The following NRG1 variants were observed in gnomAD, a reference collection of about 807,000 sequenced individuals.
NRG1 encodes neuregulin 1.
Under a neutral mutation model 63.8 loss-of-function variants are expected in NRG1, and 18 were observed. The observed-to-expected ratio is 0.28, with a 90% CI of 0.19 to 0.42. NRG1 has a LOEUF of 0.42. NRG1 is among the 10% of genes least tolerant of loss of function. The probability of loss-of-function intolerance (pLI) is 1.00; values close to 1 mark genes in which losing one functional copy is unlikely to be tolerated. For missense variants in NRG1, 762 were observed against 814.7 expected (o/e 0.94, Z 0.79); for synonymous variants, 302 against 301.3 (o/e 1.00, Z -0.02).
At chr8:32,754,584 AAAG>A in intron 8 of NRG1, 110 bp downstream of exon 8, 2 of 950,656 alleles carry the variant, frequency 2.1e-6, no homozygotes, top group South Asian at 2.9e-5. Flanking sequence ...GATAAAAAAA[AAAG>A]GAGGGGCAGG....
intron 1 of NRG1, among the ~76,000 whole-genome samples, chr8:32,433,980 G>A (rs1035669697): frequency 6.6e-6 from 1 of 152,068 alleles, no homozygotes; most frequent in African/African-American, 2.4e-5. Flanking sequence ...GAGGTCAGGA[G>A]ATCAAGACTA....
At chr8:31,684,748 A>G (rs1281306477) in intron 1 of NRG1, among the ~76,000 whole-genome samples, 1 of 152,158 alleles carries the variant, frequency 6.6e-6, no homozygotes, top group Non-Finnish European at 1.5e-5. Flanking sequence ...AAATAAGAGC[A>G]TTTTAAGTTT....
intron 1 of NRG1, among the ~76,000 whole-genome samples, chr8:32,326,452 T>G (rs1435498668): frequency 2.6e-5 from 4 of 151,790 alleles, no homozygotes; most frequent in African/African-American, 9.7e-5. Context: ...TCTGGGACTA[T>G]ATCCAGTTAT....
chr8:32,057,360 G>T (rs898260129), intron 1 of NRG1, among the ~76,000 whole-genome samples: 1 of 152,124 alleles, frequency 6.6e-6, no homozygotes, highest in Non-Finnish European at 1.5e-5. Flanking sequence ...GAAAGGCCTG[G>T]TGCGTTGCAT....
intron 1 of NRG1, among the ~76,000 whole-genome samples, chr8:32,207,961 TG>T (rs1282857775): frequency 1.3e-5 from 2 of 152,304 alleles, no homozygotes; most frequent in African/African-American, 4.8e-5. Flanking sequence ...ATACCATCCT[TG>T]GGTGTTAAGG....
At chr8:32,058,581 A>AT (rs1307158234) in intron 1 of NRG1, among the ~76,000 whole-genome samples, 1 of 151,580 alleles carries the variant, frequency 6.6e-6, no homozygotes, top group African/African-American at 2.4e-5. Flanking sequence ...TTATTTTTTT[A>AT]TTTTTTTACT....
chr8:32,146,301 A>G (rs1467398835), intron 1 of NRG1, among the ~76,000 whole-genome samples: 1 of 152,214 alleles, frequency 6.6e-6, no homozygotes, highest in African/African-American at 2.4e-5. Context: ...GAACTTAAGA[A>G]TAACTTCCTA....
At chr8:32,109,920 C>A (rs1477897655) in intron 1 of NRG1, among the ~76,000 whole-genome samples, 1 of 152,122 alleles carries the variant, frequency 6.6e-6, no homozygotes, top group Non-Finnish European at 1.5e-5. Flanking sequence ...TGGACATGGC[C>A]AAATCTCTTT....
chr8:32,344,677 A>AG lies in NRG1; in HGVS notation c.38-251151_38-251150insG, dbSNP rs1433209563. On this transcript the variant is annotated intron_variant, in intron 1 of 10. Transcript: ENST00000519301. ...GCCACATTGCCCAGGCTGGTCTTGA[A>AG]CTCCTGGGCTGAAGTGATCCTCCTG... is the stretch of plus-strand genomic sequence containing the variant. Among the ~76,000 whole-genome samples the AG allele has an allele frequency of 1.1e-4, 16 of 141,718 alleles. No homozygotes were observed. In the East Asian group the frequency reaches 2.5e-3, roughly 22 times the overall value. The allele number at this position is 141,718 out of a possible 152,430, so 93.0% of individuals were successfully genotyped here. A position where few individuals can be genotyped will look rare whatever the true frequency, so the allele number is the denominator to read the frequency against.
chr8:32,143,542 T>G (rs1012744866), intron 1 of NRG1, among the ~76,000 whole-genome samples: 9 of 152,122 alleles, frequency 5.9e-5, no homozygotes, highest in African/African-American at 2.2e-4. Context: ...CCCCATTGAG[T>G]TGAAATAAAT....
chr8:32,396,212 G>A (rs994761033), intron 1 of NRG1, among the ~76,000 whole-genome samples: 6 of 152,070 alleles, frequency 3.9e-5, no homozygotes, highest in South Asian at 2.1e-4. Flanking sequence ...TGCAGGTTCT[G>A]TGTATTTTCA....
chr8:32,743,690 A>G lies in NRG1; in HGVS notation c.691+957A>G, dbSNP rs557331183. ...ATCATTCCTAAAAGACCCAATTCAC[A>G]TTGTACATAATTATATAAACCAAAC... On this transcript the variant is annotated intron_variant, in intron 7 of 11. Transcript: ENST00000356819. Among the ~76,000 whole-genome samples, 80 of 151,126 alleles carry G rather than the reference A, an allele frequency of 5.3e-4. 1 individual carries two copies. In the South Asian group the frequency reaches 0.016, roughly 31 times the overall value.
chr8:31,850,585 C>T (rs1376232600), intron 1 of NRG1, among the ~76,000 whole-genome samples: 2 of 152,128 alleles, frequency 1.3e-5, no homozygotes, highest in African/African-American at 2.4e-5. Context: ...TTTTTCTTGC[C>T]TGTCCTCCCT....
At chr8:31,867,352 G>C (rs951282767) in intron 1 of NRG1, among the ~76,000 whole-genome samples, 4 of 152,112 alleles carry the variant, frequency 2.6e-5, no homozygotes, top group African/African-American at 2.4e-5. Flanking sequence ...TTTGGTTTAA[G>C]GGTTTTGCCT....
chr8:32,486,082 CT>C (rs1825860737), intron 1 of NRG1, among the ~76,000 whole-genome samples: 1 of 152,020 alleles, frequency 6.6e-6, no homozygotes, highest in African/African-American at 2.4e-5. Flanking sequence ...CGCTCCCCCC[CT>C]CCCCATGCCT....
At chr8:32,393,167 C>A (rs13270577) in intron 1 of NRG1, among the ~76,000 whole-genome samples, 1 of 151,968 alleles carries the variant, frequency 6.6e-6, no homozygotes, top group South Asian at 2.1e-4. Context: ...ATATGGCATA[C>A]TTTATTATTT....
At chr8:32,122,017 T>TG (rs1414487495) in intron 1 of NRG1, among the ~76,000 whole-genome samples, 1 of 152,018 alleles carries the variant, frequency 6.6e-6, no homozygotes, top group East Asian at 1.9e-4. Context: ...TTTATTGATT[T>TG]GTCTTTTTCT....
At chr8:31,687,383 C>G (rs1183632077) in intron 1 of NRG1, among the ~76,000 whole-genome samples, 1 of 152,150 alleles carries the variant, frequency 6.6e-6, no homozygotes, top group Non-Finnish European at 1.5e-5. Flanking sequence ...GCCTTGTAGG[C>G]AAAACAAGAC....
At chr8:32,058,274 T>TA (rs1485715862) in intron 1 of NRG1, among the ~76,000 whole-genome samples, 1 of 152,122 alleles carries the variant, frequency 6.6e-6, no homozygotes, top group African/African-American at 2.4e-5. Flanking sequence ...TACATGGCTG[T>TA]ATATAAAGGC....
Sources: allele counts gnomAD v4.1 joint callset (sites outside exome capture counted in the v4.1 genomes callset), GRCh38; gene constraint gnomAD v4.1.1; transcripts MANE v1.5; gene names NCBI Gene and HGNC (gene_info 2026-07-23, HGNC 2026-07-21).